Variants in MAF observed in about 807,000 individuals in gnomAD.
MAF encodes transcription factor Maf.
In MAF, 10 loss-of-function variants were observed where a neutral mutation model predicts 22.0. That is an observed-to-expected ratio of 0.45 (90% CI 0.28 to 0.77). The LOEUF is 0.77. Ranked by LOEUF, MAF falls within the 30% of genes least tolerant of loss-of-function variation. The pLI is 0.12. For missense variants in MAF, 544 were observed against 548.4 expected (o/e 0.99, Z 0.08); for synonymous variants, 337 against 255.8 (o/e 1.32, Z -3.03).
At chr16:79,482,189 C>G in the MAF span, among the ~76,000 whole-genome samples, 1 of 152,254 alleles carries the variant, frequency 6.6e-6, no homozygotes, top group African/African-American at 2.4e-5. Context: ...TTCTAACAGC[C>G]TGTCCTCCTA....
At chr16:79,565,102 T>C in the MAF span, among the ~76,000 whole-genome samples, 5 of 152,130 alleles carry the variant, frequency 3.3e-5, no homozygotes, top group Non-Finnish European at 5.9e-5. Flanking sequence ...TTACGGGAGA[T>C]AACTAGTCCC....
chr16:79,380,220 G>C, the MAF span, among the ~76,000 whole-genome samples: 1 of 152,180 alleles, frequency 6.6e-6, no homozygotes, highest in African/African-American at 2.4e-5. Flanking sequence ...ACCTTCACTT[G>C]AGATTCTAAG....
the MAF span, among the ~76,000 whole-genome samples, chr16:79,378,144 T>C: frequency 1.1e-3 from 165 of 152,284 alleles, no homozygotes; most frequent in Non-Finnish European, 2.1e-3. Context: ...ACAATATTGA[T>C]TCTTCCTACC....
chr16:79,431,943 C>A, the MAF span, among the ~76,000 whole-genome samples: 1 of 152,162 alleles, frequency 6.6e-6, no homozygotes, highest in East Asian at 1.9e-4. Flanking sequence ...TATAGTAGTT[C>A]CCCCATATCC....
the MAF span, among the ~76,000 whole-genome samples, chr16:79,504,347 C>T: frequency 6.6e-6 from 1 of 152,188 alleles, no homozygotes; most frequent in Admixed American, 6.5e-5. Flanking sequence ...CATGATATAA[C>T]AGAAGGAACT....
chr16:79,445,609 C>T, the MAF span, among the ~76,000 whole-genome samples: 1 of 152,196 alleles, frequency 6.6e-6, no homozygotes, highest in Non-Finnish European at 1.5e-5. Context: ...CACTCACAGA[C>T]CCTTGCTGGA....
At chr16:79,299,022 C>T in the MAF span, among the ~76,000 whole-genome samples, 5 of 152,256 alleles carry the variant, frequency 3.3e-5, no homozygotes, top group African/African-American at 4.8e-5. Context: ...CTTCTTTGGG[C>T]ACCTTGTGGT....
the MAF span, among the ~76,000 whole-genome samples, chr16:79,543,950 T>G: frequency 6.6e-6 from 1 of 151,898 alleles, no homozygotes; most frequent in Non-Finnish European, 1.5e-5. Context: ...CCTCCCAAAG[T>G]GCAGGGATTA....
chr16:79,467,769 A>G, the MAF span, among the ~76,000 whole-genome samples: 4 of 152,136 alleles, frequency 2.6e-5, no homozygotes, highest in Non-Finnish European at 2.9e-5. Flanking sequence ...TTTGTGAACC[A>G]CTGCTCTAAG....
chr16:79,409,311 G>C, the MAF span, among the ~76,000 whole-genome samples: 1 of 152,252 alleles, frequency 6.6e-6, no homozygotes, highest in East Asian at 1.9e-4. Flanking sequence ...AAAGGAAGTC[G>C]CGCTGTTTTC....
chr16:79,401,960 A>G, the MAF span, among the ~76,000 whole-genome samples: 1 of 152,160 alleles, frequency 6.6e-6, no homozygotes, highest in African/African-American at 2.4e-5. Flanking sequence ...ATGGGATGCT[A>G]TCATTACCCC....
the MAF span, among the ~76,000 whole-genome samples, chr16:79,322,889 G>C: frequency 6.6e-6 from 1 of 151,904 alleles, no homozygotes; most frequent in Non-Finnish European, 1.5e-5. Flanking sequence ...AGTGGCTCAC[G>C]CCTGTAATCC....
At chr16:79,552,854 G>T in the MAF span, among the ~76,000 whole-genome samples, 1 of 152,162 alleles carries the variant, frequency 6.6e-6, no homozygotes, top group African/African-American at 2.4e-5. Flanking sequence ...TGACACATGA[G>T]AGACCAGAGC....
chr16:79,497,212 C>T, the MAF span, among the ~76,000 whole-genome samples: 975 of 152,206 alleles, frequency 6.4e-3, 11 homozygotes, highest in African/African-American at 0.022. Context: ...CTCTCCTTGC[C>T]TCCGAATCCT....
the MAF span, among the ~76,000 whole-genome samples, chr16:79,430,603 G>C: frequency 9.2e-5 from 14 of 152,200 alleles, no homozygotes; most frequent in Admixed American, 2.6e-4. Context: ...GGAAATGTCT[G>C]CTGAATTGGG....
the MAF span, among the ~76,000 whole-genome samples, chr16:79,523,299 G>A: frequency 6.6e-6 from 1 of 152,174 alleles, no homozygotes; most frequent in Admixed American, 6.5e-5. Flanking sequence ...TCTCTAGGGT[G>A]AACAGAATGG....
the MAF span, among the ~76,000 whole-genome samples, chr16:79,255,445 A>T: frequency 1.3e-5 from 2 of 152,244 alleles, no homozygotes; most frequent in Non-Finnish European, 2.9e-5. Context: ...TCTTTTCAGA[A>T]TGAATAAAAA....
chr16:79,211,034 A>AATGTGTGT, the MAF span, among the ~76,000 whole-genome samples: 1 of 149,602 alleles, frequency 6.7e-6, no homozygotes, highest in South Asian at 2.2e-4. Context: ...TATGGTGAGG[A>AATGTGTGT]GTGTGTGTGT....
At chr16:79,573,957 G>C in the MAF span, among the ~76,000 whole-genome samples, 1 of 152,194 alleles carries the variant, frequency 6.6e-6, no homozygotes, top group African/African-American at 2.4e-5. Flanking sequence ...TCGTTTGCCT[G>C]TTTGTGTACC....
Sources: gnomAD v4.1 joint callset for allele counts (sites outside exome capture counted in the v4.1 genomes callset) on GRCh38, gnomAD v4.1.1 for gene constraint, MANE v1.5 for transcripts, NCBI Gene and HGNC (gene_info 2026-07-23, HGNC 2026-07-21) for gene names.